The following OPCML variants were observed in gnomAD, a reference collection of about 807,000 sequenced individuals.
OPCML encodes the protein opioid binding protein/cell adhesion molecule like, also known as opioid-binding protein/cell adhesion molecule.
In OPCML, 13 loss-of-function variants were observed where a neutral mutation model predicts 37.8. The observed-to-expected ratio is 0.34, with a 90% confidence interval of 0.22 to 0.55. The LOEUF (loss-of-function observed/expected upper bound fraction) is 0.55. OPCML is among the 20% of genes least tolerant of loss of function. The pLI is 0.91. For synonymous variants in OPCML, 176 were observed against 168.8 expected (o/e 1.04, Z -0.33); for missense variants, 341 against 435.6 (o/e 0.78, Z 1.93).
chr11:133,275,709 T>C (rs189584950), intron 1 of OPCML, among the ~76,000 whole-genome samples: 45 of 152,302 alleles, frequency 3.0e-4, no homozygotes, highest in Non-Finnish European at 5.4e-4. Context: ...AAGCTGCAGA[T>C]CTATTTATTC....
At chr11:133,076,224 C>G (rs998236961) in intron 1 of OPCML, among the ~76,000 whole-genome samples, 5 of 152,104 alleles carry the variant, frequency 3.3e-5, no homozygotes, top group Non-Finnish European at 2.9e-5. Flanking sequence ...TGCATGCATA[C>G]CTTTGGAAAA....
Position 133,100,625 on chromosome 11 carries a change from C to A in OPCML, c.62-157615G>T. On this transcript the variant is annotated intron_variant, in intron 1 of 7. Coordinates refer to ENST00000524381, the MANE Select transcript of OPCML (RefSeq NM_001012393.5). ...TTGGTATTAGAACAGACAAATAGAT[C>A]AATAGAACAGAATAGAGAGCCCAGA... Among the ~76,000 whole-genome samples, 3 of 152,036 alleles carry A rather than the reference C, an allele frequency of 2.0e-5. No homozygotes were observed. The East Asian group carries it at 5.8e-4, about 29-fold the overall frequency.
chr11:132,614,875 G>T (rs535592740), intron 3 of OPCML, among the ~76,000 whole-genome samples: 2 of 152,280 alleles, frequency 1.3e-5, no homozygotes, highest in African/African-American at 4.8e-5. Flanking sequence ...TTTTGTCACT[G>T]ACTGTTTTAA....
At position 132,973,064 on chromosome 11, in the gene OPCML, GTTGT is replaced by G. The variant is rs577798801; in HGVS notation, c.62-30058_62-30055del. Reference sequence around the variant, plus strand: ...GTGTCAGCAAGTATGACAGTTTTGTGTTGTTTGTTTGTTTTTAATCAACTTTTGT... The same window carrying G: ...GTGTCAGCAAGTATGACAGTTTTGTGTTGTTTGTTTTTAATCAACTTTTGT... On this transcript the variant is annotated intron_variant, in intron 1 of 7. Transcript: ENST00000524381. Among the ~76,000 whole-genome samples the G allele has an allele frequency of 1.9e-3, 288 of 152,244 alleles. 1 individual carries two copies. Among genetic ancestry groups the G allele is most frequent in the Middle Eastern group, 0.017 (5 of 294 alleles).
chr11:133,319,701 C>T (rs920772319), intron 1 of OPCML, among the ~76,000 whole-genome samples: 3 of 152,194 alleles, frequency 2.0e-5, no homozygotes, highest in Non-Finnish European at 4.4e-5. Flanking sequence ...TGAGTGTTAA[C>T]TCATCCAGTG....
chr11:133,378,707 T>C (rs1944867355), intron 1 of OPCML, among the ~76,000 whole-genome samples: 1 of 151,406 alleles, frequency 6.6e-6, no homozygotes, highest in Non-Finnish European at 1.5e-5. Context: ...TTTCCTTCCT[T>C]CCTTCTTTCT....
chr11:133,377,474 C>T (rs1385213238), intron 1 of OPCML, among the ~76,000 whole-genome samples: 1 of 151,912 alleles, frequency 6.6e-6, no homozygotes, highest in Non-Finnish European at 1.5e-5. Flanking sequence ...AGGATGCTTC[C>T]TTCTCTTTCC....
chr11:132,835,810 G>C (rs969779241), intron 2 of OPCML, among the ~76,000 whole-genome samples: 34 of 152,058 alleles, frequency 2.2e-4, no homozygotes, highest in African/African-American at 8.2e-4. Flanking sequence ...ACCTCTCTTT[G>C]ATGGTGACAC....
intron 1 of OPCML, among the ~76,000 whole-genome samples, chr11:133,342,309 CA>C (rs1943888229): frequency 6.6e-6 from 1 of 152,146 alleles, no homozygotes; most frequent in South Asian, 2.1e-4. Context: ...ATCACAATGC[CA>C]AGCATGACCA....
chr11:132,656,661 C>T (rs1360864578), intron 3 of OPCML, among the ~76,000 whole-genome samples: 4 of 152,184 alleles, frequency 2.6e-5, no homozygotes, highest in Non-Finnish European at 4.4e-5. Flanking sequence ...GCATGACCAG[C>T]AACTGTGCGA....
chr11:133,155,365 T>C (rs138511150), intron 1 of OPCML, among the ~76,000 whole-genome samples: 62 of 152,312 alleles, frequency 4.1e-4, no homozygotes, highest in African/African-American at 1.4e-3. Context: ...TGAAGAGCTC[T>C]AGTTTGTAAA....
At chr11:132,637,398 G>GT (rs775413755) in intron 3 of OPCML, among the ~76,000 whole-genome samples, 39 of 152,204 alleles carry the variant, frequency 2.6e-4, no homozygotes, top group Non-Finnish European at 2.6e-4. Flanking sequence ...TGAGCCTGCT[G>GT]TTGAGGCTGT....
intron 1 of OPCML, among the ~76,000 whole-genome samples, chr11:133,207,611 C>T (rs1939139471): frequency 6.6e-6 from 1 of 152,170 alleles, no homozygotes; most frequent in African/African-American, 2.4e-5. Flanking sequence ...AACTAGATGA[C>T]TTCTGAGATT....
intron 2 of OPCML, among the ~76,000 whole-genome samples, chr11:132,694,175 AT>A (rs1338679734): frequency 4.6e-5 from 5 of 109,520 alleles, no homozygotes; most frequent in African/African-American, 1.9e-4. Context: ...TGTGAAATCA[AT>A]GTCTTTTTTT....
At chr11:132,648,720 A>G (rs1331454536) in intron 3 of OPCML, among the ~76,000 whole-genome samples, 2 of 152,134 alleles carry the variant, frequency 1.3e-5, no homozygotes, top group African/African-American at 4.8e-5. Context: ...CAGGACTGGC[A>G]GCCTCTTCTT....
intron 1 of OPCML, among the ~76,000 whole-genome samples, chr11:133,223,048 G>A (rs972998601): frequency 6.6e-6 from 1 of 152,206 alleles, no homozygotes; most frequent in Admixed American, 6.5e-5. Flanking sequence ...CTACCAAGAC[G>A]TGGGCAGCCC....
At chr11:132,702,803 T>A (rs988144622) in intron 2 of OPCML, among the ~76,000 whole-genome samples, 2 of 152,062 alleles carry the variant, frequency 1.3e-5, no homozygotes, top group Non-Finnish European at 2.9e-5. Flanking sequence ...ATCTTGCTGA[T>A]TATTTCTTCT....
intron 4 of OPCML, among the ~76,000 whole-genome samples, chr11:132,440,583 G>C (rs963536226): frequency 6.6e-6 from 1 of 152,202 alleles, no homozygotes; most frequent in African/African-American, 2.4e-5. Flanking sequence ...CCCTTGTGGA[G>C]CCTGCCCCTC....
chr11:133,231,009 A>G lies in OPCML; in HGVS notation c.62-287999T>C, dbSNP rs114871594. ...GCGCTTTCCACACATTTGCAAACAG[A>G]TTTAATAATAAGGGGCTGTCTGCCT... On this transcript the variant is annotated intron_variant, in intron 1 of 7. Coordinates refer to ENST00000524381, the MANE Select transcript of OPCML (RefSeq NM_001012393.5). Among the ~76,000 whole-genome samples, 793 of 152,266 alleles carry G rather than the reference A, an allele frequency of 5.2e-3. 4 individuals are homozygous for G. The highest frequency in any genetic ancestry group is 0.018 in the African/African-American group (744 of 41,540).
Sources: gnomAD v4.1 joint callset for allele counts (sites outside exome capture counted in the v4.1 genomes callset) on GRCh38, gnomAD v4.1.1 for gene constraint, MANE v1.5 for transcripts, NCBI Gene and HGNC (gene_info 2026-07-23, HGNC 2026-07-21) for gene names.